Variants in RYR2 observed in about 807,000 individuals in gnomAD.
The protein encoded by RYR2 is cardiac muscle ryanodine receptor-calcium release channel.
In RYR2, 227 loss-of-function variants were observed where a neutral mutation model predicts 601.1. The observed-to-expected ratio is 0.38, with a 90% CI of 0.34 to 0.42. The LOEUF is 0.42. Ranked by LOEUF, RYR2 falls within the 10% of genes least tolerant of loss-of-function variation. The probability of loss-of-function intolerance (pLI) is 1.00; values close to 1 mark genes in which losing one functional copy is unlikely to be tolerated. For missense variants in RYR2, 4,646 were observed against 6,156.5 expected, an observed-to-expected ratio of 0.75 and a Z score of 8.21; for synonymous variants, 2,223 against 2,175.1, an observed-to-expected ratio of 1.02 and a Z score of -0.61.
Position 237,389,104 on chromosome 1 carries a change from C to T in RYR2, c.773+921C>T, listed in dbSNP as rs572547702. Among the ~76,000 whole-genome samples the T allele has an allele frequency of 3.3e-5, 5 of 152,164 alleles. No homozygotes were observed. The South Asian group carries it at 1.0e-3, about 32-fold the overall frequency. On this transcript the variant is annotated intron_variant, in intron 10 of 104. Coordinates refer to ENST00000366574, the MANE Select transcript of RYR2 (RefSeq NM_001035.3). ...ATAATGGTCAAGAGTGACATAAGTC[C>T]CCTGGAAACATTCCGTAAGCTAAAA...
chr1:237,718,937 T>G (rs1245776643), intron 73 of RYR2, among the ~76,000 whole-genome samples: 1 of 152,068 alleles, frequency 6.6e-6, no homozygotes, highest in Admixed American at 6.5e-5. Flanking sequence ...ATAGAGGAGT[T>G]TTAGGGTCTT....
At chr1:237,350,598 A>ATATAT (rs1698718631) in intron 3 of RYR2, among the ~76,000 whole-genome samples, 1 of 82,724 alleles carries the variant, frequency 1.2e-5, no homozygotes, top group African/African-American at 5.1e-5. Context: ...AAAAAAAAAA[A>ATATAT]AAAAATATAT....
intron 1 of RYR2, among the ~76,000 whole-genome samples, chr1:237,068,920 T>C (rs2148305894): frequency 6.6e-6 from 1 of 152,308 alleles, no homozygotes; most frequent in African/African-American, 2.4e-5. Flanking sequence ...ATGGTAACAT[T>C]GCACTGGAGC....
At chr1:237,811,770 G>C (rs1456879100) in intron 100 of RYR2, among the ~76,000 whole-genome samples, 3 of 152,124 alleles carry the variant, frequency 2.0e-5, no homozygotes, top group Non-Finnish European at 4.4e-5. Context: ...TTGTTCATGT[G>C]AAAATCATCT....
chr1:237,608,309 G>A (rs916659602), intron 35 of RYR2, among the ~76,000 whole-genome samples: 2 of 152,184 alleles, frequency 1.3e-5, no homozygotes, highest in African/African-American at 2.4e-5. Flanking sequence ...GGCTAACAGC[G>A]GATGCCGTAG....
intron 1 of RYR2, among the ~76,000 whole-genome samples, chr1:237,058,169 C>A (rs144948129): frequency 2.6e-5 from 4 of 152,072 alleles, no homozygotes; most frequent in African/African-American, 4.8e-5. Flanking sequence ...ATTATGTATA[C>A]TATTAAGCAA....
chr1:237,115,475 G>A (rs527935908), intron 1 of RYR2, among the ~76,000 whole-genome samples: 4 of 152,314 alleles, frequency 2.6e-5, no homozygotes, highest in South Asian at 2.1e-4. Flanking sequence ...TAATCAAGGC[G>A]GTTGCAAAGG....
Position 237,581,065 on chromosome 1 carries a change from T to C in RYR2, c.3599-8728T>C, listed in dbSNP as rs1165478857. ...CCTACTAAGCTAGTACTATTCTCAATTTATTCTTACGGGAACAGCCTTATA... is the reference window on the plus strand; with the variant it reads ...CCTACTAAGCTAGTACTATTCTCAACTTATTCTTACGGGAACAGCCTTATA... On this transcript the variant is annotated intron_variant, in intron 29 of 104. Transcript: ENST00000366574. Among the ~76,000 whole-genome samples the C allele has an allele frequency of 9.2e-5, 14 of 152,228 alleles. No homozygotes were observed. The South Asian group carries it at 1.0e-3, about 11-fold the overall frequency.
intron 53 of RYR2, among the ~76,000 whole-genome samples, chr1:237,656,970 T>C (rs1683307198): frequency 6.6e-6 from 1 of 152,212 alleles, no homozygotes; most frequent in Admixed American, 6.5e-5. Context: ...CATTCCTACA[T>C]GGGTAAGTTT....
intron 1 of RYR2, among the ~76,000 whole-genome samples, chr1:237,164,867 A>G (rs1676484561): frequency 6.6e-6 from 1 of 152,152 alleles, no homozygotes; most frequent in Non-Finnish European, 1.5e-5. Flanking sequence ...TACTCCGTAT[A>G]CCTATTCTGA....
intron 1 of RYR2, among the ~76,000 whole-genome samples, chr1:237,266,261 G>A (rs1182139537): frequency 6.6e-6 from 1 of 152,078 alleles, no homozygotes; most frequent in Admixed American, 6.5e-5. Flanking sequence ...GTCCTGTCAG[G>A]TAGGTTAACC....
At position 237,374,675 on chromosome 1, in the gene RYR2, A is replaced by T. The variant is rs1292909270; in HGVS notation, c.385-42A>T. 2.6e-6 allele frequency: 4 copies of T among 1,526,314 alleles called. No individual in the cohort carries two copies. The African/African-American group carries it at 5.5e-5, about 21-fold the overall frequency. The allele number at this position is 1,526,314 out of a possible 1,614,324, so 94.5% of individuals were successfully genotyped here. A position where few individuals can be genotyped will look rare whatever the true frequency, so the allele number is the denominator to read the frequency against. On this transcript the variant is annotated intron_variant, in intron 6 of 104. Coordinates refer to ENST00000366574, the MANE Select transcript of RYR2 (RefSeq NM_001035.3). ...TTGTCTCAAACACAAACAACAGACG[A>T]ACAAAACCTCTACTTACAACTACTG...
chr1:237,222,403 A>G lies in RYR2; in HGVS notation c.49-48094A>G, dbSNP rs541879885. 3.6e-3 allele frequency among the ~76,000 whole-genome samples: 483 copies of G among 134,030 alleles called. 5 individuals carry two copies. Among genetic ancestry groups the G allele is most frequent in the African/African-American group, 0.013 (469 of 36,732 alleles). 87.9% of individuals were successfully genotyped at this position (134,030 alleles called of 152,430 possible). On this transcript the variant is annotated intron_variant, in intron 1 of 104. Transcript: ENST00000366574. ...ACTCCAGCCTGGGCCACAGATTGAG[A>G]CTCCATCTCAAAAAAAAAAAAAGGA...
intron 17 of RYR2, among the ~76,000 whole-genome samples, chr1:237,474,201 ATGTG>A (rs372140254): frequency 5.7e-4 from 81 of 141,258 alleles, no homozygotes; most frequent in Middle Eastern, 3.6e-3. Context: ...GTGTGTATAT[ATGTG>A]TGTGTGTGTG....
chr1:237,340,987 C>A (rs1437486335), intron 3 of RYR2, among the ~76,000 whole-genome samples: 1 of 152,176 alleles, frequency 6.6e-6, no homozygotes, highest in African/African-American at 2.4e-5. Context: ...ACTTTCTACT[C>A]AGAAGCCAAG....
intron 96 of RYR2, among the ~76,000 whole-genome samples, chr1:237,797,417 T>C (rs562497554): frequency 3.3e-5 from 5 of 152,024 alleles, no homozygotes; most frequent in African/African-American, 1.2e-4. Context: ...GGGGAGTGGG[T>C]TAGAAAGATG....
chr1:237,507,176 AG>A (rs776979733), intron 23 of RYR2, among the ~76,000 whole-genome samples: 15 of 152,252 alleles, frequency 9.9e-5, no homozygotes, highest in African/African-American at 1.2e-4. Flanking sequence ...GAAAATGAAA[AG>A]AAGGCAATTT....
intron 38 of RYR2, among the ~76,000 whole-genome samples, chr1:237,619,538 A>G (rs999012013): frequency 4.6e-5 from 7 of 152,160 alleles, no homozygotes; most frequent in African/African-American, 1.7e-4. Context: ...GTCTCAGAGG[A>G]TAGGAGAAAG....
At chr1:237,632,158 A>G (rs371283809) in intron 42 of RYR2, among the ~76,000 whole-genome samples, 12 of 151,926 alleles carry the variant, frequency 7.9e-5, no homozygotes, top group South Asian at 4.2e-4. Flanking sequence ...CATTTAGGGG[A>G]TATTTAGAAA....
Sources: allele counts gnomAD v4.1 joint callset (sites outside exome capture counted in the v4.1 genomes callset), GRCh38; gene constraint gnomAD v4.1.1; transcripts MANE v1.5; gene names NCBI Gene and HGNC (gene_info 2026-07-23, HGNC 2026-07-21).